Variants in COL22A1 observed in about 807,000 individuals in gnomAD.
The protein encoded by COL22A1 is collagen alpha-1(XXII) chain.
In COL22A1, 221 loss-of-function variants were observed where a neutral mutation model predicts 248.9. The observed-to-expected ratio is 0.89, with a 90% confidence interval of 0.80 to 0.99. COL22A1 has a LOEUF of 0.99. Among genes scored for constraint, COL22A1 ranks in the 50% least tolerant of loss-of-function variants. The pLI, the probability that COL22A1 is intolerant of heterozygous loss-of-function variation, is 0.00. For synonymous variants in COL22A1, 891 were observed against 793.4 expected, an observed-to-expected ratio of 1.12 and a Z score of -2.07; for missense variants, 2,240 against 2,179.0, an observed-to-expected ratio of 1.03 and a Z score of -0.56.
intron 3 of COL22A1, among the ~76,000 whole-genome samples, chr8:138,867,931 A>AT (rs1823024021): frequency 1.3e-5 from 2 of 152,006 alleles, no homozygotes; most frequent in East Asian, 1.9e-4. Flanking sequence ...TGCCTGGCTA[A>AT]CTTTTGTATT....
chr8:138,685,184 T>C lies in COL22A1; in HGVS notation c.2967+24A>G, dbSNP rs747508594. 5.1e-5 allele frequency: 76 copies of C among 1,496,442 alleles called. 1 individual carries two copies. The highest frequency in any genetic ancestry group is 2.4e-4 in the Admixed American group (13 of 53,776). 92.7% of individuals were successfully genotyped at this position (1,496,442 alleles called of 1,614,324 possible). A position where few individuals can be genotyped will look rare whatever the true frequency, so the allele number is the denominator to read the frequency against. ...ATTTTCACCTGGTTTCTACAGGCAC[T>C]GGGACCCCCGACCTTCCACTTACCG... is the stretch of plus-strand genomic sequence containing the variant. On this transcript the variant is annotated intron_variant, in intron 38 of 64. Coordinates refer to ENST00000303045, the MANE Select transcript of COL22A1 (RefSeq NM_152888.3).
At chr8:138,880,977 G>A (rs896695685) in intron 2 of COL22A1, among the ~76,000 whole-genome samples, 1 of 152,242 alleles carries the variant, frequency 6.6e-6, no homozygotes, top group Admixed American at 6.5e-5. Flanking sequence ...TTGTGTGCCC[G>A]TGAGGCTGGA....
intron 12 of COL22A1, among the ~76,000 whole-genome samples, chr8:138,793,680 G>A (rs764326397): frequency 4.1e-4 from 62 of 152,186 alleles, no homozygotes; most frequent in Middle Eastern, 3.2e-3. Flanking sequence ...CTATGCCCTC[G>A]CGGCATCAGA....
intron 16 of COL22A1, among the ~76,000 whole-genome samples, chr8:138,771,986 G>C (rs1331667073): frequency 6.6e-6 from 1 of 152,232 alleles, no homozygotes; most frequent in Non-Finnish European, 1.5e-5. Context: ...CGCTCAGTGA[G>C]TGTTTTCTCC....
chr8:138,867,152 G>A (rs372791117), intron 3 of COL22A1, among the ~76,000 whole-genome samples: 1 of 152,148 alleles, frequency 6.6e-6, no homozygotes, highest in African/African-American at 2.4e-5. Context: ...AGCAGCCATC[G>A]ACAATACGTT....
At position 138,660,944 on chromosome 8, in the gene COL22A1, AT is replaced by A. The variant is rs1564158560; in HGVS notation, c.3241-465del. Among the ~76,000 whole-genome samples the A allele has an allele frequency of 2.1e-4, 10 of 47,962 alleles. No homozygotes were observed. The South Asian group carries it at 5.5e-3, about 27-fold the overall frequency. 31.5% of individuals were successfully genotyped at this position (47,962 alleles called of 152,430 possible). A position where few individuals can be genotyped will look rare whatever the true frequency, so the allele number is the denominator to read the frequency against. On this transcript the variant is annotated intron_variant, in intron 43 of 64. Coordinates refer to ENST00000303045, the MANE Select transcript of COL22A1 (RefSeq NM_152888.3). ...CACACACAGACACACAGACACACAC[AT>A]AAACACACAGACACACACGCACACA...
intron 62 of COL22A1, among the ~76,000 whole-genome samples, chr8:138,594,603 C>T (rs1315387996): frequency 6.6e-6 from 1 of 152,158 alleles, no homozygotes; most frequent in African/African-American, 2.4e-5. Flanking sequence ...GACAAAGAAA[C>T]CGCACCCTAC....
chr8:138,773,916 T>C (rs988107902), intron 16 of COL22A1, among the ~76,000 whole-genome samples: 1 of 152,164 alleles, frequency 6.6e-6, no homozygotes, highest in African/African-American at 2.4e-5. Flanking sequence ...TGCGGGGCAG[T>C]TCCTCAAACC....
chr8:138,692,665 C>T (rs905590276), intron 35 of COL22A1, among the ~76,000 whole-genome samples: 8 of 151,998 alleles, frequency 5.3e-5, no homozygotes, highest in Non-Finnish European at 1.2e-4. Flanking sequence ...TTGGAGGCTG[C>T]CCATGTTTCC....
At chr8:138,720,100 G>C (rs1283262491) in intron 27 of COL22A1, among the ~76,000 whole-genome samples, 17 of 152,128 alleles carry the variant, frequency 1.1e-4, no homozygotes, top group Admixed American at 1.1e-3. Context: ...CATCAACACA[G>C]GGCACTTGAG....
At chr8:138,829,302 C>T (rs568962943) in intron 5 of COL22A1, among the ~76,000 whole-genome samples, 1 of 152,210 alleles carries the variant, frequency 6.6e-6, no homozygotes, top group South Asian at 2.1e-4. Context: ...GAAGATGGGG[C>T]CTCCCCACCT....
At chr8:138,800,571 C>G (rs1330931395) in intron 11 of COL22A1, among the ~76,000 whole-genome samples, 2 of 152,134 alleles carry the variant, frequency 1.3e-5, no homozygotes, top group African/African-American at 2.4e-5. Context: ...GTTGTGGAAC[C>G]AAAATTTGAA....
chr8:138,721,823 T>G (rs555448573), intron 26 of COL22A1, among the ~76,000 whole-genome samples: 1 of 152,182 alleles, frequency 6.6e-6, no homozygotes, highest in Admixed American at 6.5e-5. Flanking sequence ...CTGGCTAAAT[T>G]TTAAAGCCTA....
At chr8:138,703,480 C>G (rs941985646) in intron 30 of COL22A1, 133 bp from the exon 31 acceptor site, 10 of 698,674 alleles carry the variant, frequency 1.4e-5, no homozygotes, top group East Asian at 2.6e-5. Flanking sequence ...GGTAGGTGCA[C>G]CCTGCACCTA....
chr8:138,863,166 C>T (rs1017914397), intron 3 of COL22A1, among the ~76,000 whole-genome samples: 1 of 152,216 alleles, frequency 6.6e-6, no homozygotes, highest in African/African-American at 2.4e-5. Context: ...TGCCGGCTCC[C>T]CGTTTCTTTC....
chr8:138,602,197 C>T (rs751307867), intron 59 of COL22A1, 38 bp from the exon 60 acceptor site: 1 of 1,608,802 alleles, frequency 6.2e-7, no homozygotes, highest in Admixed American at 1.7e-5. Context: ...TGCCCCGGGC[C>T]CTCTGCACTG....
chr8:138,637,991 ACAT>A (rs1166016896), intron 47 of COL22A1, among the ~76,000 whole-genome samples: 3 of 151,976 alleles, frequency 2.0e-5, no homozygotes, highest in Admixed American at 1.3e-4. Flanking sequence ...ATCATCGTCT[ACAT>A]CATAATGATC....
rs182320111 is a variant in COL22A1 at position 138,626,315 on chromosome 8, G to T, written c.3664-72C>A. ...TTCTGGAAGTAAATGACTTCACAAG[G>T]AACTGCATTCATGGGTTGGGGGAGT... On this transcript the variant is annotated intron_variant, in intron 50 of 64. Transcript: ENST00000303045. 1,317 of 1,213,338 alleles carry T rather than the reference G, an allele frequency of 1.1e-3. 3 individuals carry two copies. The highest frequency in any genetic ancestry group is 1.3e-3 in the Non-Finnish European group (1,076 of 821,974). The allele number at this position is 1,213,338 out of a possible 1,614,324, so 75.2% of individuals were successfully genotyped here. A position where few individuals can be genotyped will look rare whatever the true frequency, so the allele number is the denominator to read the frequency against.
chr8:138,902,785 C>CACACACACACA (rs1814713775), intron 1 of COL22A1, among the ~76,000 whole-genome samples: 1 of 145,422 alleles, frequency 6.9e-6, no homozygotes, highest in African/African-American at 2.6e-5. Flanking sequence ...CACACACACA[C>CACACACACACA]TAGAACTGAC....
Sources: gnomAD v4.1 joint callset for allele counts (sites outside exome capture counted in the v4.1 genomes callset) on GRCh38, gnomAD v4.1.1 for gene constraint, MANE v1.5 for transcripts, NCBI Gene and HGNC (gene_info 2026-07-23, HGNC 2026-07-21) for gene names.